Variants in SHANK2 observed in about 807,000 individuals in gnomAD.
The protein encoded by SHANK2 is SH3 and multiple ankyrin repeat domains 2.
A neutral mutation model predicts 133.7 loss-of-function variants in SHANK2; 43 were observed. The observed-to-expected ratio is 0.32, with a 90% confidence interval of 0.25 to 0.41. The LOEUF is 0.41. Among genes scored for constraint, SHANK2 ranks in the 10% least tolerant of loss-of-function variants. The pLI is 1.00. For synonymous variants in SHANK2, 1,017 were observed against 952.8 expected, an observed-to-expected ratio of 1.07 and a Z score of -1.24; for missense variants, 1,994 against 2,235.8, an observed-to-expected ratio of 0.89 and a Z score of 2.18.
intron 16 of SHANK2, 100 bp downstream of exon 16, chr11:70,661,496 C>T (rs940018727): frequency 5.8e-5 from 64 of 1,095,014 alleles, no homozygotes; most frequent in East Asian, 3.0e-4. Context: ...TTCATGCAGG[C>T]GTATACACAC....
rs185697351 is a variant in SHANK2 at position 70,539,585 on chromosome 11, A to G, written c.2062-36654T>C. Among the ~76,000 whole-genome samples, 4 of 115,950 alleles carry G rather than the reference A, an allele frequency of 3.4e-5. No homozygotes were observed. The Admixed American group carries it at 3.8e-4, about 11-fold the overall frequency. 76.1% of individuals were successfully genotyped at this position (115,950 alleles called of 152,430 possible). A position where few individuals can be genotyped will look rare whatever the true frequency, so the allele number is the denominator to read the frequency against. ...CACGCTCACTCATGAGTGGATGAGCAATCACAGACAGCACCACAGGCTGGC... is the reference window on the plus strand; with the variant it reads ...CACGCTCACTCATGAGTGGATGAGCGATCACAGACAGCACCACAGGCTGGC... On this transcript the variant is annotated intron_variant, in intron 17 of 25. Coordinates refer to ENST00000601538, the MANE Select transcript of SHANK2 (RefSeq NM_012309.5).
intron 1 of SHANK2, among the ~76,000 whole-genome samples, chr11:71,235,378 G>A (rs1478544001): frequency 1.3e-5 from 2 of 152,164 alleles, no homozygotes; most frequent in African/African-American, 4.8e-5. Flanking sequence ...TGGATCACCT[G>A]AGGTCAGGAA....
rs1555052251 is a variant in SHANK2, at chr11:70,807,490, G to A, written c.1494-319C>T. Among the ~76,000 whole-genome samples, 1 of 152,202 alleles carries A rather than the reference G, an allele frequency of 6.6e-6. No individual in the cohort carries two copies. Among genetic ancestry groups the A allele is most frequent in the South Asian group, 2.1e-4 (1 of 4,830 alleles). ...TCCCTCCACAGAATGGAGAGACACA[G>A]GGTGGTCCAAACATACAATGGAACG... On this transcript the variant is annotated intron_variant, in intron 12 of 25. Coordinates refer to ENST00000601538, the MANE Select transcript of SHANK2 (RefSeq NM_012309.5). The surrounding 1 kb of genome is among the most constrained non-coding windows in gnomAD (Gnocchi z 4.8).
At chr11:70,550,741 C>G (rs1418721761) in intron 17 of SHANK2, among the ~76,000 whole-genome samples, 1 of 152,208 alleles carries the variant, frequency 6.6e-6, no homozygotes, top group Admixed American at 6.5e-5. Context: ...AGCGCCCAAA[C>G]CTCCCTTCAG....
chr11:70,832,340 G>A (rs1555058796), intron 11 of SHANK2, among the ~76,000 whole-genome samples: 2 of 152,184 alleles, frequency 1.3e-5, no homozygotes, highest in South Asian at 2.1e-4. Flanking sequence ...TATTGCTCAC[G>A]ATGCATTCAC....
intron 10 of SHANK2, among the ~76,000 whole-genome samples, chr11:70,927,357 A>G (rs1555081767): frequency 1.3e-5 from 2 of 152,084 alleles, no homozygotes; most frequent in South Asian, 2.1e-4. Context: ...CTCTCTTGCT[A>G]TGCTCCCAGG....
intron 14 of SHANK2, among the ~76,000 whole-genome samples, chr11:70,751,776 A>G (rs1165402612): frequency 6.6e-6 from 1 of 152,162 alleles, no homozygotes; most frequent in African/African-American, 2.4e-5. Context: ...TCCATGTTCT[A>G]CTTGCAGTGG....
intron 14 of SHANK2, among the ~76,000 whole-genome samples, chr11:70,743,257 A>C (rs1487458276): frequency 2.0e-5 from 3 of 152,000 alleles, no homozygotes; most frequent in Admixed American, 2.0e-4. Flanking sequence ...TGCCCCCCCC[A>C]GTTCATATAT....
chr11:71,099,361 C>T (rs561886248), intron 6 of SHANK2, among the ~76,000 whole-genome samples: 17 of 152,252 alleles, frequency 1.1e-4, no homozygotes, highest in Non-Finnish European at 1.9e-4. Flanking sequence ...ACGACTTCCG[C>T]TCAGAAGAAT....
At chr11:70,857,393 C>A (rs1176670093) in intron 11 of SHANK2, among the ~76,000 whole-genome samples, 1 of 152,198 alleles carries the variant, frequency 6.6e-6, no homozygotes, top group Non-Finnish European at 1.5e-5. Flanking sequence ...CGTTCTCAAC[C>A]TAGCCACAAG....
At chr11:71,057,208 C>T (rs1406828790) in intron 9 of SHANK2, among the ~76,000 whole-genome samples, 7 of 152,132 alleles carry the variant, frequency 4.6e-5, no homozygotes, top group Non-Finnish European at 1.0e-4. Context: ...GAGGCATGCG[C>T]CTGTAATCCC....
At chr11:70,599,412 C>A (rs1438215190) in intron 17 of SHANK2, among the ~76,000 whole-genome samples, 1 of 142,070 alleles carries the variant, frequency 7.0e-6, no homozygotes, top group Non-Finnish European at 1.5e-5. Context: ...TCGAGACCAT[C>A]CTGGCTAACA....
intron 17 of SHANK2, among the ~76,000 whole-genome samples, chr11:70,556,394 TCTCTC>T (rs1554979589): frequency 1.1e-3 from 7 of 6,548 alleles, no homozygotes; most frequent in African/African-American, 2.1e-3. Context: ...TTTCTTTCTT[TCTCTC>T]TCTCTCTCTC....
chr11:71,063,583 C>A (rs1211642765), intron 9 of SHANK2, among the ~76,000 whole-genome samples: 1 of 152,138 alleles, frequency 6.6e-6, no homozygotes, highest in Middle Eastern at 3.2e-3. Context: ...CAACAACTTG[C>A]GGCTTCAGAA....
At chr11:70,911,793 G>C (rs545002526) in intron 10 of SHANK2, among the ~76,000 whole-genome samples, 47 of 152,094 alleles carry the variant, frequency 3.1e-4, no homozygotes, top group Non-Finnish European at 6.5e-4. Flanking sequence ...TGGTAGAACT[G>C]GTCAGTGGCC....
chr11:70,667,556 C>T (rs1291047221), intron 15 of SHANK2, among the ~76,000 whole-genome samples: 5 of 152,224 alleles, frequency 3.3e-5, no homozygotes, highest in African/African-American at 1.2e-4. Context: ...GGTTCCCTTT[C>T]TCCCACTGGG....
intron 17 of SHANK2, among the ~76,000 whole-genome samples, chr11:70,524,223 C>G (rs530339872): frequency 1.8e-4 from 28 of 152,278 alleles, no homozygotes; most frequent in African/African-American, 6.3e-4. Context: ...AAGAGCAGTC[C>G]CACCCCCTGG....
At chr11:70,794,278 G>A (rs375711299) in intron 14 of SHANK2, among the ~76,000 whole-genome samples, 91 of 134,844 alleles carry the variant, frequency 6.7e-4, no homozygotes, top group East Asian at 1.1e-3. Context: ...CTCCGTCTCA[G>A]AAAAAAAAAA....
chr11:71,150,294 G>A (rs1409832978), intron 2 of SHANK2, among the ~76,000 whole-genome samples: 1 of 69,170 alleles, frequency 1.4e-5, no homozygotes, highest in Non-Finnish European at 2.9e-5. Flanking sequence ...AGGGAGGGAG[G>A]GAGAAGGAAG....
Sources: gnomAD v4.1 joint callset for allele counts (sites outside exome capture counted in the v4.1 genomes callset) on GRCh38, gnomAD v4.1.1 for gene constraint, Gnocchi (gnomAD v3.1) non-coding constraint, MANE v1.5 for transcripts, NCBI Gene and HGNC (gene_info 2026-07-23, HGNC 2026-07-21) for gene names.